Variants in EIPR1 observed in about 807,000 individuals in gnomAD.
The protein encoded by EIPR1 is EARP complex and GARP complex interacting protein 1.
A neutral mutation model predicts 48.1 loss-of-function variants in EIPR1; 25 were observed. The observed-to-expected ratio is 0.52, with a 90% CI of 0.38 to 0.73. The LOEUF is 0.73. EIPR1 is among the 30% of genes least tolerant of loss of function. The pLI is 0.00. For missense variants in EIPR1, 415 were observed against 506.2 expected (o/e 0.82, Z 1.73); for synonymous variants, 204 against 201.9 (o/e 1.01, Z -0.09).
At chr2:3,224,871 G>C (rs756041488) in intron 4 of EIPR1, among the ~76,000 whole-genome samples, 31 of 152,176 alleles carry the variant, frequency 2.0e-4, no homozygotes, top group Non-Finnish European at 3.8e-4. Context: ...GGCTGCCTAA[G>C]AGTTCATGAG....
chr2:3,194,747 T>G (rs1331258115), intron 6 of EIPR1, among the ~76,000 whole-genome samples: 1 of 151,722 alleles, frequency 6.6e-6, no homozygotes, highest in Non-Finnish European at 1.5e-5. Flanking sequence ...CGGCTATCTA[T>G]CTATCTATAG....
chr2:3,201,578 C>G (rs1467663114), intron 5 of EIPR1, among the ~76,000 whole-genome samples: 1 of 152,158 alleles, frequency 6.6e-6, no homozygotes, highest in African/African-American at 2.4e-5. Flanking sequence ...GCTCCCACAG[C>G]AAGCTCCAAG....
chr2:3,233,421 T>A (rs1410861815), intron 4 of EIPR1, among the ~76,000 whole-genome samples: 1 of 152,196 alleles, frequency 6.6e-6, no homozygotes, highest in African/African-American at 2.4e-5. Context: ...CTTGGCACAC[T>A]TTAGGGTAAG....
chr2:3,329,108 C>T (rs13024207), intron 3 of EIPR1, among the ~76,000 whole-genome samples: 23 of 127,068 alleles, frequency 1.8e-4, no homozygotes, highest in South Asian at 1.1e-3. Flanking sequence ...CCACCCACCA[C>T]GCTCTAATGA....
chr2:3,356,004 G>A (rs1001336832), intron 1 of EIPR1, among the ~76,000 whole-genome samples: 25 of 152,164 alleles, frequency 1.6e-4, no homozygotes, highest in Admixed American at 5.2e-4. Flanking sequence ...ACTTACTAGC[G>A]AGTGCTCTTG....
chr2:3,255,858 T>C (rs1303036711), intron 4 of EIPR1, among the ~76,000 whole-genome samples: 2 of 152,150 alleles, frequency 1.3e-5, no homozygotes, highest in Non-Finnish European at 2.9e-5. Flanking sequence ...CAAGCACAAA[T>C]GTGTGCACAT....
intron 2 of EIPR1, among the ~76,000 whole-genome samples, chr2:3,348,852 G>A (rs968802096): frequency 6.6e-6 from 1 of 152,242 alleles, no homozygotes; most frequent in African/African-American, 2.4e-5. Context: ...CGACTGTGCA[G>A]GAGGAGACCA....
chr2:3,373,832 C>T (rs1008134487), intron 1 of EIPR1, among the ~76,000 whole-genome samples: 2 of 151,640 alleles, frequency 1.3e-5, no homozygotes, highest in African/African-American at 4.8e-5. Flanking sequence ...CAATGCCATC[C>T]CCATCAAGCT....
intron 3 of EIPR1, among the ~76,000 whole-genome samples, chr2:3,270,635 A>G (rs1039539041): frequency 9.2e-5 from 14 of 152,378 alleles, no homozygotes; most frequent in Admixed American, 7.8e-4. Flanking sequence ...CAATAACATT[A>G]TGTCTAAAAA....
intron 5 of EIPR1, chr2:3,208,501 T>G (rs369498214): frequency 2.0e-6 from 3 of 1,532,340 alleles, no homozygotes; most frequent in Middle Eastern, 1.7e-4. Flanking sequence ...AATTATATGA[T>G]GAGGAGGTCT....
chr2:3,346,604 T>C (rs1228683198), intron 2 of EIPR1, among the ~76,000 whole-genome samples: 1 of 151,960 alleles, frequency 6.6e-6, no homozygotes, highest in East Asian at 1.9e-4. Flanking sequence ...GAAAAATAAA[T>C]ACACAATAGA....
At chr2:3,249,336 C>T (rs2103204907) in intron 4 of EIPR1, among the ~76,000 whole-genome samples, 1 of 152,334 alleles carries the variant, frequency 6.6e-6, no homozygotes, top group Middle Eastern at 3.4e-3. Context: ...TGTGTCCATT[C>T]CCTGGGAATC....
chr2:3,267,725 C>T (rs929457610), intron 3 of EIPR1, among the ~76,000 whole-genome samples: 2 of 152,116 alleles, frequency 1.3e-5, no homozygotes, highest in African/African-American at 2.4e-5. Flanking sequence ...CTGTGCCCAT[C>T]GGGCACATCT....
chr2:3,324,526 G>A (rs1669633138), intron 3 of EIPR1, among the ~76,000 whole-genome samples: 2 of 152,232 alleles, frequency 1.3e-5, no homozygotes, highest in Admixed American at 1.3e-4. Context: ...CTGTCCTGGG[G>A]GGATTCTCCC....
At chr2:3,205,213 C>G (rs777707020) in intron 5 of EIPR1, among the ~76,000 whole-genome samples, 1 of 152,192 alleles carries the variant, frequency 6.6e-6, no homozygotes, top group Non-Finnish European at 1.5e-5. Context: ...TGAGCCCGTT[C>G]CCATCCCATC....
intron 3 of EIPR1, among the ~76,000 whole-genome samples, chr2:3,331,058 T>C (rs1184201697): frequency 2.8e-5 from 3 of 107,424 alleles, no homozygotes; most frequent in Non-Finnish European, 5.3e-5. Flanking sequence ...ATGAGACACA[T>C]GAGCAAAGAT....
At chr2:3,212,911 G>A (rs1665507100) in intron 5 of EIPR1, among the ~76,000 whole-genome samples, 1 of 152,230 alleles carries the variant, frequency 6.6e-6, no homozygotes, top group South Asian at 2.1e-4. Context: ...GGTGAAGGCT[G>A]TGAGACTCCC....
intron 4 of EIPR1, among the ~76,000 whole-genome samples, chr2:3,225,667 C>A (rs1469667178): frequency 6.6e-6 from 1 of 152,116 alleles, no homozygotes. Context: ...TTAAGATGCA[C>A]TCTCTTAGCC....
intron 1 of EIPR1, among the ~76,000 whole-genome samples, chr2:3,361,828 A>G (rs2103383911): frequency 6.8e-6 from 1 of 146,620 alleles, no homozygotes; most frequent in South Asian, 2.2e-4. Flanking sequence ...GGGCACCTCC[A>G]CCATCTGACC....
Sources: gnomAD v4.1 joint callset for allele counts (sites outside exome capture counted in the v4.1 genomes callset) on GRCh38, gnomAD v4.1.1 for gene constraint, MANE v1.5 for transcripts, NCBI Gene and HGNC (gene_info 2026-07-23, HGNC 2026-07-21) for gene names.